SEMA4G: variants seen among roughly 807,000 people sequenced by gnomAD.
The protein encoded by SEMA4G is semaphorin 4G.
A neutral mutation model predicts 81.2 loss-of-function variants in SEMA4G; 59 were observed. The ratio of observed to expected loss-of-function variants is 0.73; its 90% CI spans 0.59 to 0.90. SEMA4G has a LOEUF of 0.90. SEMA4G is among the 40% of genes least tolerant of loss of function. The pLI is 0.00. For missense variants in SEMA4G, 952 were observed against 1,102.3 expected (o/e 0.86, Z 1.93); for synonymous variants, 404 against 433.9 (o/e 0.93, Z 0.86).
downstream of SEMA4G, chr10:100,984,948 G>GT: frequency 4.2e-6 from 6 of 1,414,490 alleles, no homozygotes; most frequent in Non-Finnish European, 4.6e-6. Flanking sequence ...ACACACACCT[G>GT]TATCACACAT....
exon 12 of SEMA4G, chr10:100,980,952 C>G (rs1417942007): frequency 3.1e-6 from 5 of 1,607,670 alleles, no homozygotes; most frequent in Non-Finnish European, 4.2e-6. Flanking sequence ...GGCACCCATG[C>G]CTGCGCAGCA....
intron 9 of SEMA4G, 31 bp from the exon 11 acceptor site, chr10:100,980,091 C>T (rs528390161): frequency 2.6e-5 from 42 of 1,612,526 alleles, no homozygotes; most frequent in East Asian, 1.6e-4. Context: ...GGTGGAGTCC[C>T]GAGGTTCACC....
chr10:100,979,716 A>C (rs1331805088), intron 8 of SEMA4G, 132 bp from the exon 10 acceptor site: 1 of 1,003,018 alleles, frequency 1.0e-6, no homozygotes, highest in African/African-American at 1.6e-5. Context: ...TGGTCCACTG[A>C]CTCACAGGAG....
At chr10:100,970,761 C>G (rs1381835756), upstream of SEMA4G, among the ~76,000 whole-genome samples, 1 of 152,220 alleles carries the variant, frequency 6.6e-6, no homozygotes, top group Non-Finnish European at 1.5e-5. Context: ...TGTTCAAGAA[C>G]TGCGTGTGAG....
chr10:100,984,898 C>A, downstream of SEMA4G: 6 of 1,462,654 alleles, frequency 4.1e-6, no homozygotes, highest in Middle Eastern at 5.3e-4. Flanking sequence ...GTATGAGAGA[C>A]AGAGCTCCAG....
At chr10:100,983,373 C>A (rs1442105033) in exon 14 of SEMA4G, 5 of 1,607,576 alleles carry the variant, frequency 3.1e-6, no homozygotes, top group Non-Finnish European at 4.2e-6. Context: ...CTGTGACCAG[C>A]CATCCAACCT....
At chr10:100,971,272 T>C (rs1306776973), upstream of SEMA4G, among the ~76,000 whole-genome samples, 1 of 152,194 alleles carries the variant, frequency 6.6e-6, no homozygotes, top group Non-Finnish European at 1.5e-5. Context: ...CCCACACACA[T>C]GCCTTTTGCA....
At position 100,979,008 on chromosome 10, in the gene SEMA4G, G is replaced by GT; in HGVS notation, c.804dup (p.Val269CysfsTer32). The GT allele has an allele frequency of 6.2e-7, 1 of 1,614,018 alleles. No homozygotes were observed. The highest frequency in any genetic ancestry group is 8.5e-7 in the Non-Finnish European group (1 of 1,179,978). On this transcript the variant is annotated frameshift_variant, in exon 7 of 14. Coordinates refer to ENST00000370250, the Ensembl canonical transcript of SEMA4G. LOFTEE classifies it high-confidence loss of function. ...AGTCACCGTGTGGCCCGTGTGGCTCGTGTCTGCAAGGTGGATTGGGCTGAC... is the reference window on the plus strand; with the variant it reads ...AGTCACCGTGTGGCCCGTGTGGCTCGTTGTCTGCAAGGTGGATTGGGCTGAC...
exon 7 of SEMA4G, chr10:100,979,007 C>CGTG: frequency 6.2e-7 from 1 of 1,614,050 alleles, no homozygotes; most frequent in Non-Finnish European, 8.5e-7. Context: ...CCGTGTGGCT[C>CGTG]GTGTCTGCAA....
chr10:100,980,297 TCAC>T (rs755502387), exon 10 of SEMA4G: 6 of 1,614,088 alleles, frequency 3.7e-6, no homozygotes, highest in Non-Finnish European at 4.2e-6. Flanking sequence ...GGGACACCTG[TCAC>T]CACGCCTGCT....
chr10:100,983,601 G>A (rs775801456), exon 14 of SEMA4G: 2 of 1,614,096 alleles, frequency 1.2e-6, no homozygotes, highest in South Asian at 2.2e-5. Context: ...AAAAGCCCCT[G>A]CCACACCTGG....
At chr10:100,978,810 A>C in intron 6 of SEMA4G, 39 bp from the exon 8 acceptor site, 1 of 1,604,514 alleles carries the variant, frequency 6.2e-7, no homozygotes, top group Non-Finnish European at 8.5e-7. Flanking sequence ...AGGAATCCCC[A>C]GCCTGTCTCA....
chr10:100,978,285 T>C lies in SEMA4G; in HGVS notation c.436-10T>C, dbSNP rs370060234. 1 of 1,608,802 alleles carries C rather than the reference T, an allele frequency of 6.2e-7. No homozygotes were observed. The highest frequency in any genetic ancestry group is 1.3e-5 in the African/African-American group (1 of 74,820). Reference sequence around the variant, plus strand: ...TCGGAACCACTTACTGCTGGTTCCTTGTTCCCTAGGATGCTGAGGCCTTCA... The same window carrying C: ...TCGGAACCACTTACTGCTGGTTCCTCGTTCCCTAGGATGCTGAGGCCTTCA... On this transcript the variant is annotated splice_polypyrimidine_tract_variant and intron_variant, in intron 4 of 13. Coordinates refer to ENST00000370250, the Ensembl canonical transcript of SEMA4G.
At chr10:100,972,237 C>T (rs1288908266), upstream of SEMA4G, among the ~76,000 whole-genome samples, 1 of 152,146 alleles carries the variant, frequency 6.6e-6, no homozygotes, top group Non-Finnish European at 1.5e-5. Context: ...TCCAAGAACC[C>T]CAGCTCCTTT....
At chr10:100,984,099 C>T in exon 14 of SEMA4G, 1 of 1,613,082 alleles carries the variant, frequency 6.2e-7, no homozygotes, top group Non-Finnish European at 8.5e-7. Context: ...GCACACGCAG[C>T]TCGTGGAGCA....
chr10:100,969,636 G>A (rs1850571966), upstream of SEMA4G: 1 of 325,290 alleles, frequency 3.1e-6, no homozygotes, highest in South Asian at 2.2e-5. Flanking sequence ...CGTGAGCCTG[G>A]GGCTGCGGGC....
chr10:100,969,976 AG>A, upstream of SEMA4G: 1 of 418,548 alleles, frequency 2.4e-6, no homozygotes. Context: ...TGTTGGAGGG[AG>A]GGGGTCCCGG....
exon 6 of SEMA4G, chr10:100,978,533 G>C (rs1444498751): frequency 3.1e-6 from 5 of 1,613,782 alleles, no homozygotes; most frequent in Non-Finnish European, 4.2e-6. Context: ...CCAGATGGAG[G>C]CCTCTACACA....
At chr10:100,969,550 CCGCG>C (rs1850569061), upstream of SEMA4G, 1 of 157,962 alleles carries the variant, frequency 6.3e-6, no homozygotes, top group Non-Finnish European at 1.4e-5. Context: ...GGCCGCGGAG[CCGCG>C]CGTCGCTGTC....
Sources: allele counts gnomAD v4.1 joint callset (sites outside exome capture counted in the v4.1 genomes callset), GRCh38; gene constraint gnomAD v4.1.1; transcripts MANE v1.5; gene names NCBI Gene and HGNC (gene_info 2026-07-23, HGNC 2026-07-21).